The following KCNMA1 variants were observed in gnomAD, a reference collection of about 807,000 sequenced individuals.
The protein encoded by KCNMA1 is Calcium-activated potassium channel subunit alpha-1.
A neutral mutation model predicts 140.0 loss-of-function variants in KCNMA1; 29 were observed. That is an observed-to-expected ratio of 0.21 (90% confidence interval 0.15 to 0.28). The LOEUF (loss-of-function observed/expected upper bound fraction) is 0.28. KCNMA1 is among the 10% of genes least tolerant of loss of function. The pLI is 1.00. For synonymous variants in KCNMA1, 612 were observed against 611.9 expected (o/e 1.00, Z 0.00); for missense variants, 880 against 1,602.2 (o/e 0.55, Z 7.70).
intron 1 of KCNMA1, among the ~76,000 whole-genome samples, chr10:77,410,022 T>A (rs1177601598): frequency 2.6e-5 from 4 of 151,762 alleles, no homozygotes; most frequent in Non-Finnish European, 4.4e-5. Flanking sequence ...GCAAGTGGAG[T>A]CACTGTCCTC....
chr10:77,383,674 C>T (rs1470687198), intron 2 of KCNMA1, among the ~76,000 whole-genome samples: 1 of 151,988 alleles, frequency 6.6e-6, no homozygotes, highest in Non-Finnish European at 1.5e-5. Flanking sequence ...GGTTTTTTTA[C>T]AGTCTTTTTT....
chr10:77,282,723 T>G (rs1565704939), intron 2 of KCNMA1, among the ~76,000 whole-genome samples: 1 of 151,602 alleles, frequency 6.6e-6, no homozygotes, highest in Non-Finnish European at 1.5e-5. Flanking sequence ...AGATAGAAGC[T>G]CTGATAAGAA....
intron 1 of KCNMA1, among the ~76,000 whole-genome samples, chr10:77,535,487 G>A (rs1213449529): frequency 6.6e-6 from 1 of 152,144 alleles, no homozygotes; most frequent in Non-Finnish European, 1.5e-5. Context: ...CAGTATGAAG[G>A]TTCCTCAAAA....
intron 3 of KCNMA1, among the ~76,000 whole-genome samples, chr10:77,232,124 T>C (rs1385262106): frequency 6.6e-6 from 1 of 152,252 alleles, no homozygotes; most frequent in Non-Finnish European, 1.5e-5. Flanking sequence ...TCCATTCCTT[T>C]TTATAGCCAA....
chr10:77,369,274 C>T (rs2094538256), intron 2 of KCNMA1, among the ~76,000 whole-genome samples: 1 of 152,112 alleles, frequency 6.6e-6, no homozygotes, highest in Admixed American at 6.5e-5. Flanking sequence ...AAGCACAGCT[C>T]TAGAGTGGAA....
chr10:77,033,471 C>A (rs1017177310), intron 15 of KCNMA1, among the ~76,000 whole-genome samples: 9 of 152,142 alleles, frequency 5.9e-5, no homozygotes, highest in African/African-American at 2.2e-4. Context: ...AACACACTCA[C>A]ACACACACAA....
At chr10:77,362,243 A>T (rs772775056) in intron 2 of KCNMA1, among the ~76,000 whole-genome samples, 3 of 152,018 alleles carry the variant, frequency 2.0e-5, no homozygotes, top group Non-Finnish European at 4.4e-5. Context: ...GACCCTTCCG[A>T]TCCATTGTCC....
At chr10:77,458,613 C>T (rs2097797584) in intron 1 of KCNMA1, among the ~76,000 whole-genome samples, 2 of 152,190 alleles carry the variant, frequency 1.3e-5, no homozygotes, top group African/African-American at 4.8e-5. Context: ...TTTCATGTGG[C>T]TTACATGAAT....
intron 1 of KCNMA1, among the ~76,000 whole-genome samples, chr10:77,525,886 C>A (rs1204465742): frequency 6.6e-6 from 1 of 152,194 alleles, no homozygotes; most frequent in Non-Finnish European, 1.5e-5. Context: ...GCTGGTGGGT[C>A]CTGTCTAGTT....
intron 20 of KCNMA1, among the ~76,000 whole-genome samples, chr10:76,958,844 T>C (rs1376185891): frequency 6.6e-6 from 1 of 152,176 alleles, no homozygotes; most frequent in Non-Finnish European, 1.5e-5. Flanking sequence ...ACTGGGTCTG[T>C]GATACTTGAT....
chr10:76,921,095 G>A (rs1015207405), intron 23 of KCNMA1, among the ~76,000 whole-genome samples: 2 of 152,146 alleles, frequency 1.3e-5, no homozygotes, highest in East Asian at 1.9e-4. Context: ...GAAGGTAAGT[G>A]CTTCTCCCAC....
rs528407647 is a variant in KCNMA1, at chr10:76,914,546, G to A, written c.3016+390C>T. On this transcript the variant is annotated intron_variant, in intron 24 of 27. Transcript: ENST00000286628. ...TCCGAGGCTTTGTATATCAGTGGAG[G>A]ACTCAGATTGTAGGAGCTGTCCAGA... 1.4e-4 allele frequency: 46 copies of A among 334,512 alleles called. No individual in the cohort carries two copies. In the Admixed American group the frequency reaches 1.5e-3, roughly 11 times the overall value. The allele number at this position is 334,512 out of a possible 1,614,324, so 20.7% of individuals were successfully genotyped here.
intron 2 of KCNMA1, among the ~76,000 whole-genome samples, chr10:77,371,648 G>A (rs566563679): frequency 1.3e-4 from 20 of 152,142 alleles, no homozygotes; most frequent in African/African-American, 3.6e-4. Flanking sequence ...AGTCCCCACC[G>A]GTCCCCTCAT....
chr10:77,495,130 T>C (rs1232339857), intron 1 of KCNMA1, among the ~76,000 whole-genome samples: 1 of 152,226 alleles, frequency 6.6e-6, no homozygotes, highest in Non-Finnish European at 1.5e-5. Flanking sequence ...ATTCAACCAA[T>C]AATATTTGAG....
At chr10:77,429,421 C>G (rs1229314875) in intron 1 of KCNMA1, among the ~76,000 whole-genome samples, 3 of 152,184 alleles carry the variant, frequency 2.0e-5, no homozygotes, top group South Asian at 4.1e-4. Context: ...ATTGTGACAA[C>G]TAAAATGTCT....
intron 3 of KCNMA1, among the ~76,000 whole-genome samples, chr10:77,199,722 G>A (rs1160733169): frequency 1.3e-5 from 2 of 152,200 alleles, no homozygotes; most frequent in Non-Finnish European, 2.9e-5. Flanking sequence ...GAAGGCAGGG[G>A]AAGGGATGGA....
At chr10:77,401,250 G>A (rs1296154107) in intron 2 of KCNMA1, among the ~76,000 whole-genome samples, 1 of 151,866 alleles carries the variant, frequency 6.6e-6, no homozygotes, top group Non-Finnish European at 1.5e-5. Context: ...TCCGCCTCCT[G>A]GGTCCGTGCC....
chr10:77,418,547 C>T (rs1027628483), intron 1 of KCNMA1, among the ~76,000 whole-genome samples: 33 of 152,038 alleles, frequency 2.2e-4, no homozygotes, highest in African/African-American at 7.5e-4. Flanking sequence ...CTGGAAGTGT[C>T]GGTTCCCTAC....
intron 3 of KCNMA1, among the ~76,000 whole-genome samples, chr10:77,228,053 C>T (rs1037583735): frequency 5.9e-5 from 9 of 151,632 alleles, no homozygotes; most frequent in Admixed American, 3.3e-4. Flanking sequence ...GAACCTCCAC[C>T]TCCAGGGTTC....
Sources: allele counts gnomAD v4.1 joint callset (sites outside exome capture counted in the v4.1 genomes callset), GRCh38; gene constraint gnomAD v4.1.1; transcripts MANE v1.5; gene names NCBI Gene and HGNC (gene_info 2026-07-23, HGNC 2026-07-21).